FILIP1: variants seen among roughly 807,000 people sequenced by gnomAD.
FILIP1 encodes filamin-A-interacting protein 1.
Under a neutral mutation model 102.1 loss-of-function variants are expected in FILIP1, and 61 were observed. That is an observed-to-expected ratio of 0.60 (90% CI 0.49 to 0.74). FILIP1 has a LOEUF of 0.74. FILIP1 is among the 30% of genes least tolerant of loss of function. The probability of loss-of-function intolerance (pLI) is 0.00; values close to 1 mark genes in which losing one functional copy is unlikely to be tolerated. For synonymous variants in FILIP1, 491 were observed against 526.9 expected, an observed-to-expected ratio of 0.93 and a Z score of 0.93; for missense variants, 1,314 against 1,441.2, an observed-to-expected ratio of 0.91 and a Z score of 1.43.
At chr6:75,372,694 AGAGAAAGAAAGAAAGAAAG>A (rs1775589010) in intron 2 of FILIP1, among the ~76,000 whole-genome samples, 4 of 38,598 alleles carry the variant, frequency 1.0e-4, no homozygotes, top group East Asian at 4.9e-4. Context: ...AGAGAAAGAA[AGAGAAAGAAAGAAAGAAAG>A]GAAAGAAAGA....
intron 1 of FILIP1, among the ~76,000 whole-genome samples, chr6:75,487,455 G>C (rs1779821615): frequency 1.3e-5 from 2 of 152,062 alleles, no homozygotes; most frequent in South Asian, 2.1e-4. Flanking sequence ...TGGTCAAAGA[G>C]GCAAGGCCTA....
chr6:75,325,110 T>A (rs763228225), intron 4 of FILIP1, among the ~76,000 whole-genome samples: 3 of 152,018 alleles, frequency 2.0e-5, no homozygotes, highest in Non-Finnish European at 4.4e-5. Context: ...CTAAAAAGCT[T>A]CTGTACAGCA....
chr6:75,396,762 G>A (rs528830122), intron 2 of FILIP1, among the ~76,000 whole-genome samples: 30 of 152,190 alleles, frequency 2.0e-4, no homozygotes, highest in African/African-American at 7.0e-4. Context: ...GTGAGAAAGT[G>A]CAGTGTTTAA....
At chr6:75,293,910 AG>A (rs1355005872) in exon 7 of FILIP1, 1 of 152,232 alleles carries the variant, frequency 6.6e-6, no homozygotes, top group Non-Finnish European at 1.5e-5. Flanking sequence ...CAACATTTTC[AG>A]AAAACAAAAC....
At chr6:75,478,443 A>G (rs1779551712) in intron 1 of FILIP1, among the ~76,000 whole-genome samples, 1 of 152,062 alleles carries the variant, frequency 6.6e-6, no homozygotes, top group East Asian at 1.9e-4. Context: ...CACCCCATAC[A>G]CCACTCTGTA....
chr6:75,351,740 T>C (rs1774816306), intron 4 of FILIP1, among the ~76,000 whole-genome samples: 1 of 152,212 alleles, frequency 6.6e-6, no homozygotes, highest in African/African-American at 2.4e-5. Context: ...GTTTACACAA[T>C]GATGAAATCA....
At chr6:75,385,167 C>A (rs1258715149) in intron 2 of FILIP1, among the ~76,000 whole-genome samples, 1 of 152,028 alleles carries the variant, frequency 6.6e-6, no homozygotes, top group Admixed American at 6.6e-5. Context: ...AGGAATACAA[C>A]TAATTGGTTC....
In FILIP1 at chr6:75,340,861, A is replaced by T. The variant is rs77183738; in HGVS notation, c.629+12678T>A. On this transcript the variant is annotated intron_variant, in intron 4 of 5. Transcript: ENST00000237172. Reference sequence around the variant, plus strand: ...TAGGCGCACACCACAATGCTCAGGAATTTTTTTTTTTTTTTTTTTTTTTGT... The same window carrying T: ...TAGGCGCACACCACAATGCTCAGGATTTTTTTTTTTTTTTTTTTTTTTTGT... 5.3e-4 allele frequency among the ~76,000 whole-genome samples: 50 copies of T among 94,306 alleles called. 1 individual carries two copies. The highest frequency in any genetic ancestry group is 3.6e-3 in the East Asian group (12 of 3,372). The allele number at this position is 94,306 out of a possible 152,430, so 61.9% of individuals were successfully genotyped here. A position where few individuals can be genotyped will look rare whatever the true frequency, so the allele number is the denominator to read the frequency against.
chr6:75,421,519 G>T (rs1412687386), intron 1 of FILIP1, among the ~76,000 whole-genome samples: 4 of 152,178 alleles, frequency 2.6e-5, no homozygotes, highest in Non-Finnish European at 1.5e-5. Context: ...ACTTGAGGCT[G>T]GAACTTCTTG....
chr6:75,442,403 G>C (rs1337311492), intron 1 of FILIP1, among the ~76,000 whole-genome samples: 1 of 152,224 alleles, frequency 6.6e-6, no homozygotes, highest in East Asian at 1.9e-4. Flanking sequence ...CAAGGCAGGC[G>C]GCTGGGAGGT....
intron 1 of FILIP1, among the ~76,000 whole-genome samples, chr6:75,474,997 C>T (rs927357650): frequency 3.9e-5 from 6 of 152,082 alleles, no homozygotes; most frequent in Non-Finnish European, 7.4e-5. Context: ...TATAAATTTC[C>T]TGAGGCCTCC....
rs1775601373 is a variant in FILIP1, at chr6:75,372,728, G to GGAA, written c.277-9812_277-9811insTTC. ...AAGAAAGAAAGGAAAGAAAGAGAAA[G>GGAA]AGAAAGAAAGAAAGAAAGAAAGAAA... On this transcript the variant is annotated intron_variant, in intron 2 of 5. Transcript: ENST00000237172. 1.1e-4 allele frequency among the ~76,000 whole-genome samples: 7 copies of GGAA among 61,424 alleles called. No homozygotes were observed. The East Asian group carries it at 2.0e-3, about 18-fold the overall frequency. The allele number at this position is 61,424 out of a possible 152,430, so 40.3% of individuals were successfully genotyped here.
chr6:75,406,351 C>T (rs1271973281), intron 2 of FILIP1, among the ~76,000 whole-genome samples: 1 of 152,176 alleles, frequency 6.6e-6, no homozygotes, highest in East Asian at 1.9e-4. Context: ...TTCATGTTGG[C>T]CCCTATGCTC....
At chr6:75,319,857 ACT>A (rs1773586634) in intron 4 of FILIP1, 1 of 443,122 alleles carries the variant, frequency 2.3e-6, no homozygotes, top group Non-Finnish European at 4.1e-6. Flanking sequence ...AGAAAAGAAA[ACT>A]CTGAGAAGTT....
At chr6:75,492,279 G>A (rs938918522) in intron 1 of FILIP1, among the ~76,000 whole-genome samples, 99 of 152,168 alleles carry the variant, frequency 6.5e-4, no homozygotes, top group African/African-American at 2.3e-3. Flanking sequence ...TTCTGAAAAG[G>A]TTGATACATT....
rs1773049328 is a variant in FILIP1, at chr6:75,308,177, T to A, written c.*514A>T. ...TTTTGTTTTTGCAAAATTTTAGAGG[T>A]CCAGGCCCTGTGATAGCTATGTGAT... On this transcript the variant is annotated 3_prime_UTR_variant, in exon 6 of 6. Transcript: ENST00000237172. 3.0e-6 allele frequency: 3 copies of A among 987,712 alleles called. No homozygotes were observed. Among genetic ancestry groups the A allele is most frequent in the Middle Eastern group, 5.2e-4 (1 of 1,916 alleles). The allele number at this position is 987,712 out of a possible 1,614,324, so 61.2% of individuals were successfully genotyped here.
At chr6:75,362,666 A>G in intron 3 of FILIP1, 78 bp downstream of exon 3, 1 of 1,436,908 alleles carries the variant, frequency 7.0e-7, no homozygotes, top group Non-Finnish European at 9.5e-7. Flanking sequence ...AGAAAATGTT[A>G]AAGCATGTAA....
At chr6:75,454,405 T>G (rs1778747845) in intron 1 of FILIP1, among the ~76,000 whole-genome samples, 2 of 152,180 alleles carry the variant, frequency 1.3e-5, no homozygotes, top group South Asian at 4.1e-4. Flanking sequence ...CTTTTAAAGA[T>G]GCATGGGATT....
Position 75,372,722 on chromosome 6 carries a change from GAGAAAGAGAAAGAA to G in FILIP1, c.277-9819_277-9806del, listed in dbSNP as rs1233407233. On this transcript the variant is annotated intron_variant, in intron 2 of 5. Transcript: ENST00000237172. Reference sequence around the variant, plus strand: ...GAAAGAAAGAAAGAAAGGAAAGAAAGAGAAAGAGAAAGAAAGAAAGAAAGAAAGAAAGAAAGAAA... The same window carrying G: ...GAAAGAAAGAAAGAAAGGAAAGAAAGAGAAAGAAAGAAAGAAAGAAAGAAA... Among the ~76,000 whole-genome samples the G allele has an allele frequency of 1.2e-3, 81 of 65,926 alleles. 6 individuals are homozygous for G. Among genetic ancestry groups the G allele is most frequent in the African/African-American group, 5.5e-3 (75 of 13,728 alleles). 43.3% of individuals were successfully genotyped at this position (65,926 alleles called of 152,430 possible). A position where few individuals can be genotyped will look rare whatever the true frequency, so the allele number is the denominator to read the frequency against.
Sources: allele counts gnomAD v4.1 joint callset (sites outside exome capture counted in the v4.1 genomes callset), GRCh38; gene constraint gnomAD v4.1.1; transcripts MANE v1.5; gene names NCBI Gene and HGNC (gene_info 2026-07-23, HGNC 2026-07-21).